Variants in PLA2G4E observed in about 807,000 individuals in gnomAD.
The protein encoded by PLA2G4E is phospholipase A2 group IVE.
A neutral mutation model predicts 109.1 loss-of-function variants in PLA2G4E; 84 were observed. The observed-to-expected ratio is 0.77, with a 90% CI of 0.65 to 0.92. PLA2G4E has a LOEUF of 0.92. Ranked by LOEUF, PLA2G4E falls within the 40% of genes least tolerant of loss-of-function variation. The pLI is 0.00. For synonymous variants in PLA2G4E, 469 were observed against 436.1 expected, an observed-to-expected ratio of 1.08 and a Z score of -0.94; for missense variants, 1,057 against 1,076.6, an observed-to-expected ratio of 0.98 and a Z score of 0.25.
At position 41,992,749 on chromosome 15, in the gene PLA2G4E, G is replaced by A. The variant is rs147932775; in HGVS notation, c.1458C>T (p.Cys486=). The A allele has an allele frequency of 1.2e-4, 192 of 1,611,950 alleles. No homozygotes were observed. The African/African-American group carries it at 2.3e-3, about 19-fold the overall frequency. The change falls in exon 13 of 20, where the codon TGC becomes TGT. Residue 486 remains cysteine (C), a synonymous_variant. Coordinates refer to ENST00000399518, the Ensembl canonical transcript of PLA2G4E. The stretch of plus-strand genomic sequence containing the variant: ...GCCGAGCACCTACCTCGTCCCCCAG[G>A]CAGGTCTCTATCAGCAGGCCCCAGA...
At chr15:42,050,030 G>A (rs116742581) in intron 1 of PLA2G4E, among the ~76,000 whole-genome samples, 9 of 152,250 alleles carry the variant, frequency 5.9e-5, no homozygotes, top group South Asian at 4.1e-4. Context: ...TCTCTGACTC[G>A]CATGGAATTA....
rs780660344 is a variant in PLA2G4E, at chr15:42,013,715, G to A, written c.226C>T (p.Arg76Trp). 50 of 1,550,440 alleles carry A rather than the reference G, an allele frequency of 3.2e-5. No individual in the cohort carries two copies. Among genetic ancestry groups the A allele is most frequent in the Middle Eastern group, 1.7e-4 (1 of 6,018 alleles). The change falls in exon 2 of 20, where the codon CGG (arginine) becomes TGG (tryptophan). Residue 76 changes from arginine to tryptophan, a missense_variant. Coordinates refer to ENST00000399518, the Ensembl canonical transcript of PLA2G4E. ...TCAGCCTGCCGGACATTTTTCATCC[G>A]GATGACCCTCACTGTCAACAGGTGG...
chr15:41,983,550 A>C (rs2068091085), exon 20 of PLA2G4E: 2 of 592,488 alleles, frequency 3.4e-6, no homozygotes, highest in Non-Finnish European at 6.0e-6. Context: ...AGTGGGTATA[A>C]AACCCCAACA....
intron 1 of PLA2G4E, among the ~76,000 whole-genome samples, chr15:42,016,659 G>A (rs1028485668): frequency 1.3e-5 from 2 of 152,136 alleles, no homozygotes; most frequent in Non-Finnish European, 2.9e-5. Flanking sequence ...ATTCTGATCA[G>A]CAACAGAATG....
chr15:41,999,574 A>C lies in PLA2G4E; in HGVS notation c.937-13T>G, dbSNP rs1458171352. 7 of 1,611,736 alleles carry C rather than the reference A, an allele frequency of 4.3e-6. No homozygotes were observed. Among genetic ancestry groups the C allele is most frequent in the Non-Finnish European group, 5.9e-6 (7 of 1,178,928 alleles). On this transcript the variant is annotated splice_polypyrimidine_tract_variant and intron_variant, in intron 9 of 19. Transcript: ENST00000399518. ...CATAACTCTCACCCTGGGGAGGGAA[A>C]GATGAAAAGCTTGTCAGAGGTGACA... is the stretch of plus-strand genomic sequence containing the variant.
chr15:42,013,328 C>T (rs2068555991), intron 2 of PLA2G4E, among the ~76,000 whole-genome samples: 1 of 152,186 alleles, frequency 6.6e-6, no homozygotes, highest in African/African-American at 2.4e-5. Context: ...AAGGAGTGCT[C>T]CGTGTGGGCA....
chr15:42,005,258 C>G (rs2068463625), intron 4 of PLA2G4E, among the ~76,000 whole-genome samples: 1 of 152,202 alleles, frequency 6.6e-6, no homozygotes, highest in Admixed American at 6.5e-5. Context: ...CTTTCTGTCA[C>G]TTCCCTGGCT....
chr15:42,045,416 T>C (rs1481055212), intron 1 of PLA2G4E, among the ~76,000 whole-genome samples: 1 of 151,972 alleles, frequency 6.6e-6, no homozygotes, highest in Non-Finnish European at 1.5e-5. Flanking sequence ...CAAGAGATAG[T>C]AGGGAGCTGT....
exon 4 of PLA2G4E, chr15:42,006,105 C>T (rs201079935): frequency 1.2e-6 from 2 of 1,613,766 alleles, no homozygotes; most frequent in East Asian, 2.2e-5. Flanking sequence ...ATCACAGACA[C>T]TCAACTCTAG....
intron 2 of PLA2G4E, 140 bp downstream of exon 2, chr15:42,013,545 C>T: frequency 2.7e-6 from 2 of 744,820 alleles, no homozygotes; most frequent in South Asian, 3.5e-5. Context: ...TACATGCACA[C>T]ACATACACGT....
chr15:41,988,437 A>T (rs905794272), intron 15 of PLA2G4E, among the ~76,000 whole-genome samples: 6 of 152,144 alleles, frequency 3.9e-5, no homozygotes, highest in Non-Finnish European at 8.8e-5. Context: ...TGGCAAGTGC[A>T]GGCTTTGAGT....
At chr15:41,993,743 CAG>C (rs1189120883) in intron 12 of PLA2G4E, among the ~76,000 whole-genome samples, 2 of 152,134 alleles carry the variant, frequency 1.3e-5, no homozygotes, top group Non-Finnish European at 2.9e-5. Flanking sequence ...TTTAAGGAAA[CAG>C]GGGCCTCCTC....
intron 17 of PLA2G4E, 42 bp from the exon 18 acceptor site, chr15:41,986,047 T>C: frequency 3.2e-6 from 5 of 1,551,412 alleles, no homozygotes; most frequent in East Asian, 2.4e-5. Context: ...CCTGGTGCCC[T>C]GACAGCCAAT....
chr15:41,994,482 G>A (rs1255824777), intron 12 of PLA2G4E, among the ~76,000 whole-genome samples: 1 of 152,170 alleles, frequency 6.6e-6, no homozygotes, highest in Non-Finnish European at 1.5e-5. Flanking sequence ...CCTGAACCAG[G>A]GCCACGCAGG....
intron 2 of PLA2G4E, among the ~76,000 whole-genome samples, chr15:42,012,920 T>C (rs56725574): frequency 0.012 from 1,848 of 152,258 alleles, 33 homozygotes; most frequent in African/African-American, 0.043. Context: ...GGGGGCCAAC[T>C]TCCCCTCTGG....
At chr15:42,013,880 TG>T in intron 1 of PLA2G4E, 123 bp from the exon 2 acceptor site, 1 of 298,410 alleles carries the variant, frequency 3.4e-6, no homozygotes, top group Non-Finnish European at 5.9e-6. Context: ...ACCCCTAGGC[TG>T]GTTTTTTTTT....
chr15:41,984,537 A>C (rs1566833060), exon 19 of PLA2G4E: 1 of 1,613,886 alleles, frequency 6.2e-7, no homozygotes, highest in Admixed American at 1.7e-5. Flanking sequence ...GCATTCCTTG[A>C]GATTTTCATT....
At chr15:42,043,240 C>G (rs1454157695) in intron 1 of PLA2G4E, among the ~76,000 whole-genome samples, 2 of 152,136 alleles carry the variant, frequency 1.3e-5, no homozygotes, top group African/African-American at 4.8e-5. Flanking sequence ...TGGGAGAGGC[C>G]TTCCGGAGGC....
chr15:42,008,502 C>G (rs1479857975), intron 2 of PLA2G4E, among the ~76,000 whole-genome samples: 2 of 152,346 alleles, frequency 1.3e-5, no homozygotes, highest in South Asian at 4.2e-4. Context: ...AAGAAACCCT[C>G]CCCTCTGTGG....
Sources: allele counts gnomAD v4.1 joint callset (sites outside exome capture counted in the v4.1 genomes callset), GRCh38; gene constraint gnomAD v4.1.1; transcripts MANE v1.5; gene names NCBI Gene and HGNC (gene_info 2026-07-23, HGNC 2026-07-21).